The following NLRP1 variants were observed in gnomAD, a reference collection of about 807,000 sequenced individuals.
NLRP1 encodes the protein NACHT, LRR and PYD domains-containing protein 1.
A neutral mutation model predicts 136.7 loss-of-function variants in NLRP1; 94 were observed. That is an observed-to-expected ratio of 0.69 (90% confidence interval 0.58 to 0.82). The LOEUF is 0.82. Among genes scored for constraint, NLRP1 ranks in the 40% least tolerant of loss-of-function variants. The probability of loss-of-function intolerance (pLI) is 0.00; values close to 1 mark genes in which losing one functional copy is unlikely to be tolerated. For missense variants in NLRP1, 1,575 were observed against 1,802.7 expected (o/e 0.87, Z 2.29); for synonymous variants, 690 against 725.1 (o/e 0.95, Z 0.78).
rs1415376866 is a variant in NLRP1, at chr17:5,530,464, C to A, written c.3520+17G>T. On this transcript the variant is annotated intron_variant, in intron 12 of 16. Coordinates refer to ENST00000572272, the MANE Select transcript of NLRP1 (RefSeq NM_033004.4). ...TAATTACCACCACCTTCCTCCCTAT[C>A]CTTCCCTGTTGTTTACCTTGGAGAG... 6.2e-7 allele frequency: 1 copy of A among 1,605,134 alleles called. No individual in the cohort carries two copies. Among genetic ancestry groups the A allele is most frequent in the Non-Finnish European group, 8.5e-7 (1 of 1,172,362 alleles).
intron 7 of NLRP1, among the ~76,000 whole-genome samples, chr17:5,539,103 T>G (rs570846289): frequency 2.6e-5 from 4 of 152,272 alleles, no homozygotes; most frequent in African/African-American, 9.6e-5. Context: ...ACTCCTGACC[T>G]CAAGTGATCC....
At chr17:5,539,227 C>T (rs1044649174) in intron 7 of NLRP1, among the ~76,000 whole-genome samples, 188 bp downstream of exon 7, 1 of 152,196 alleles carries the variant, frequency 6.6e-6, no homozygotes, top group African/African-American at 2.4e-5. Flanking sequence ...GGGTATGATA[C>T]TCCCATTCCA....
At chr17:5,510,979 G>A (rs1907594257), downstream of NLRP1, among the ~76,000 whole-genome samples, 1 of 152,088 alleles carries the variant, frequency 6.6e-6, no homozygotes, top group Admixed American at 6.6e-5. Context: ...CCACTCATGA[G>A]CTCACCTAGT....
intron 3 of NLRP1, among the ~76,000 whole-genome samples, chr17:5,560,818 A>G (rs1177292814): frequency 6.6e-6 from 1 of 152,192 alleles, no homozygotes. Flanking sequence ...CCTCCCCAGT[A>G]AGCCACCTGC....
chr17:5,563,430 C>T (rs1213867354), intron 3 of NLRP1, among the ~76,000 whole-genome samples: 2 of 152,242 alleles, frequency 1.3e-5, no homozygotes, highest in African/African-American at 2.4e-5. Flanking sequence ...TAGGAAAGAA[C>T]CAAACTGATC....
intron 3 of NLRP1, 96 bp downstream of exon 3, chr17:5,581,763 C>G (rs1200589116): frequency 2.9e-6 from 3 of 1,017,878 alleles, no homozygotes; most frequent in Non-Finnish European, 4.7e-6. Flanking sequence ...TCCAGAACCT[C>G]TGCTTAGCCT....
Position 5,559,236 on chromosome 17 carries a change from T to C in NLRP1, c.1460A>G (p.Lys487Arg), listed in dbSNP as rs1056329192. 2 of 1,614,066 alleles carry C rather than the reference T, an allele frequency of 1.2e-6. No homozygotes were observed. The highest frequency in any genetic ancestry group is 2.7e-5 in the African/African-American group (2 of 74,918). ...EVLGFSESSR[K>R]EYFYRYFTDE... ...TGTGAAATATCTGTAGAAATATTCC[T>C]TCCTGCTGGACTCAGAGAACCCCAG... The change falls in exon 4 of 17, where the codon AAG becomes AGG. Residue 487 changes from lysine (K) to arginine (R), a missense_variant. By Grantham distance (26) the Lys-to-Arg change is conservative. Transcript: ENST00000572272.
At position 5,514,410 on chromosome 17, in the gene NLRP1, C is replaced by A. The variant is rs1361393820; in HGVS notation, c.*344G>T. 2 of 1,132,404 alleles carry A rather than the reference C, an allele frequency of 1.8e-6. No individual in the cohort carries two copies. Among genetic ancestry groups the A allele is most frequent in the African/African-American group, 1.6e-5 (1 of 62,962 alleles). 70.1% of individuals were successfully genotyped at this position (1,132,404 alleles called of 1,614,324 possible). On this transcript the variant is annotated 3_prime_UTR_variant, in exon 17 of 17. Transcript: ENST00000572272. Reference sequence around the variant, plus strand: ...GCTCACCCTGTGACACAGCCAGAGGCAAATGGTTCCATGTCCCTCCTATTC... The same window carrying A: ...GCTCACCCTGTGACACAGCCAGAGGAAAATGGTTCCATGTCCCTCCTATTC...
Position 5,514,883 on chromosome 17 carries a change from G to A in NLRP1, c.4293C>T (p.Ser1431=), listed in dbSNP as rs200001042. ...TRPSQMRKLF[S]LSQSWDRKCK... ...ACTTCCGGTCCCAGGACTGGCTCAAGCTGAACAGCTTCCGCATCTGGCTGG... is the reference window on the plus strand; with the variant it reads ...ACTTCCGGTCCCAGGACTGGCTCAAACTGAACAGCTTCCGCATCTGGCTGG... Residue 1431 remains serine, a synonymous_variant, in exon 17 of 17, where the codon AGC becomes AGT. Transcript: ENST00000572272. 1.9e-5 allele frequency: 30 copies of A among 1,614,048 alleles called. No individual in the cohort carries two copies. The African/African-American group carries it at 3.6e-4, about 19-fold the overall frequency.
intron 14 of NLRP1, among the ~76,000 whole-genome samples, chr17:5,520,294 T>C (rs899282653): frequency 6.6e-6 from 1 of 152,180 alleles, no homozygotes; most frequent in Non-Finnish European, 1.5e-5. Context: ...ACTCATCTTT[T>C]GCTATACTGA....
In NLRP1 at chr17:5,559,862, G is replaced by T. The variant is rs369457449; in HGVS notation, c.834C>A (p.Phe278Leu). 1 of 1,614,218 alleles carries T rather than the reference G, an allele frequency of 6.2e-7. No individual in the cohort carries two copies. ...PWKNEDFNQK[F>L]TQLLLLQRPH... Reference sequence around the variant, plus strand: ...GTCTTTGTAGAAGTAGCAGCTGTGTGAATTTTTGGTTAAAATCCTCATTTT... The same window carrying T: ...GTCTTTGTAGAAGTAGCAGCTGTGTTAATTTTTGGTTAAAATCCTCATTTT... The change falls in exon 4 of 17, where the codon TTC becomes TTA. Residue 278 changes from phenylalanine (F) to leucine (L), a missense_variant. By Grantham distance (22) the Phe-to-Leu change is conservative (BLOSUM62 0). Coordinates refer to ENST00000572272, the MANE Select transcript of NLRP1 (RefSeq NM_033004.4).
intron 3 of NLRP1, among the ~76,000 whole-genome samples, chr17:5,564,263 C>T (rs1444132227): frequency 6.6e-6 from 1 of 152,122 alleles, no homozygotes; most frequent in African/African-American, 2.4e-5. Context: ...ACTATAGTCA[C>T]CCTATTGTGC....
In NLRP1 at chr17:5,533,859, CCT is replaced by C. The variant is rs758378670; in HGVS notation, c.3052+36_3052+37del. ...CTCCCACAGCTGACCTCCCCCAACCCCTGTCACGATGCTCCCAGCCTTGCCCC... is the reference window on the plus strand; with the variant it reads ...CTCCCACAGCTGACCTCCCCCAACCCGTCACGATGCTCCCAGCCTTGCCCC... On this transcript the variant is annotated intron_variant, in intron 9 of 16. Coordinates refer to ENST00000572272, the MANE Select transcript of NLRP1 (RefSeq NM_033004.4). 4.4e-5 allele frequency: 61 copies of C among 1,387,084 alleles called. No homozygotes were observed. In the Middle Eastern group the frequency reaches 5.5e-4, roughly 13 times the overall value. The allele number at this position is 1,387,084 out of a possible 1,614,324, so 85.9% of individuals were successfully genotyped here.
intron 4 of NLRP1, among the ~76,000 whole-genome samples, chr17:5,556,616 T>A (rs1463316803): frequency 6.8e-6 from 1 of 147,590 alleles, no homozygotes; most frequent in Non-Finnish European, 1.5e-5. Context: ...GTTCTTACAA[T>A]TGACCACTAA....
rs78496363 is a variant in NLRP1 at position 5,530,817 on chromosome 17, A to G, written c.3297-113T>C. The G allele has an allele frequency of 4.0e-3, 2,997 of 745,090 alleles. 57 individuals are homozygous for G. In the East Asian group the frequency reaches 0.046, roughly 11 times the overall value. The allele number at this position is 745,090 out of a possible 1,614,324, so 46.2% of individuals were successfully genotyped here. A position where few individuals can be genotyped will look rare whatever the true frequency, so the allele number is the denominator to read the frequency against. On this transcript the variant is annotated intron_variant, in intron 11 of 16. Coordinates refer to ENST00000572272, the MANE Select transcript of NLRP1 (RefSeq NM_033004.4). ...TACGGTACAGTGGCTTCAAGCCCAGACTTCGGAATCAGATGGACTTGCATT... is the reference window on the plus strand; with the variant it reads ...TACGGTACAGTGGCTTCAAGCCCAGGCTTCGGAATCAGATGGACTTGCATT...
Position 5,536,912 on chromosome 17 carries a change from T to G in NLRP1, c.2899A>C (p.Met967Leu), listed in dbSNP as rs768862341. The change falls in exon 8 of 17, where the codon ATG becomes CTG. Residue 967 changes from methionine (M) to leucine (L), a missense_variant. Coordinates refer to ENST00000572272, the MANE Select transcript of NLRP1 (RefSeq NM_033004.4). ...TCCAGGGCCCTCAGTTCCTGCCTCATCTCATCACTCAGAGTTGTCTGGTCC... is the reference window on the plus strand; with the variant it reads ...TCCAGGGCCCTCAGTTCCTGCCTCAGCTCATCACTCAGAGTTGTCTGGTCC... ...GLDQTTLSDE[M>L]RQELRALEQE... 1 of 1,613,706 alleles carries G rather than the reference T, an allele frequency of 6.2e-7. No individual in the cohort carries two copies. Among genetic ancestry groups the G allele is most frequent in the South Asian group, 1.1e-5 (1 of 91,076 alleles).
At chr17:5,525,390 T>G (rs1182993980) in intron 12 of NLRP1, among the ~76,000 whole-genome samples, 2 of 152,244 alleles carry the variant, frequency 1.3e-5, no homozygotes, top group East Asian at 3.8e-4. Context: ...TCCTTCCTCC[T>G]TTCCCAGCCG....
chr17:5,533,166 G>C, intron 10 of NLRP1, 138 bp downstream of exon 10: 1 of 1,480,562 alleles, frequency 6.8e-7, no homozygotes, highest in South Asian at 1.4e-5. Flanking sequence ...CCCCACTCCA[G>C]TGCCTCCAGC....
rs1311395994 is a variant in NLRP1 at position 5,559,948 on chromosome 17, G to T, written c.748C>A (p.Pro250Thr). 6.2e-7 allele frequency: 1 copy of T among 1,614,220 alleles called. No individual in the cohort carries two copies. Among genetic ancestry groups the T allele is most frequent in the South Asian group, 1.1e-5 (1 of 91,088 alleles). The change falls in exon 4 of 17, where the codon CCC (proline) becomes ACC (threonine). Residue 250 changes from proline (P) to threonine (T), a missense_variant. By Grantham distance (38) the Pro-to-Thr change is conservative. Transcript: ENST00000572272. ...TPPQAHTSLQ[P>T]HHHPWEPSVR... is the part of the protein sequence containing the mutation. ...GAAGGCTCCCATGGGTGGTGGTGGG[G>T]CTGTAGGCTGGTGTGCGCCTGTGGG... is the stretch of plus-strand genomic sequence containing the variant.
Sources: allele counts gnomAD v4.1 joint callset (sites outside exome capture counted in the v4.1 genomes callset), GRCh38; gene constraint gnomAD v4.1.1; transcripts MANE v1.5; gene names NCBI Gene and HGNC (gene_info 2026-07-23, HGNC 2026-07-21).